TMEM51: variants seen among roughly 807,000 people sequenced by gnomAD.
TMEM51 encodes the protein transmembrane protein 51, also known as chromosome 1 open reading frame 72.
Under a neutral mutation model 13.6 loss-of-function variants are expected in TMEM51, and 8 were observed. That is an observed-to-expected ratio of 0.59 (90% CI 0.35 to 1.07). TMEM51 has a LOEUF of 1.07. Among genes scored for constraint, TMEM51 ranks in the 50% least tolerant of loss-of-function variants. TMEM51 has a pLI of 0.02. For missense variants in TMEM51, 279 were observed against 330.7 expected, an observed-to-expected ratio of 0.84 and a Z score of 1.21; for synonymous variants, 147 against 144.4, an observed-to-expected ratio of 1.02 and a Z score of -0.13.
intron 1 of TMEM51, among the ~76,000 whole-genome samples, chr1:15,191,284 G>A (rs72862004): frequency 0.029 from 4,441 of 152,300 alleles, 216 homozygotes; most frequent in African/African-American, 0.094. Context: ...GAACACAGCC[G>A]TTGGTCACCT....
At chr1:15,163,105 C>T (rs78920377) in intron 1 of TMEM51, among the ~76,000 whole-genome samples, 2,564 of 152,030 alleles carry the variant, frequency 0.017, 115 homozygotes, top group African/African-American at 0.058. Context: ...CATATCATTG[C>T]GTTCTCTCTA....
intron 1 of TMEM51, among the ~76,000 whole-genome samples, chr1:15,157,444 G>A (rs1225901539): frequency 1.3e-5 from 2 of 152,168 alleles, no homozygotes; most frequent in African/African-American, 2.4e-5. Context: ...CCAAGACCCA[G>A]GGAAGAGGAG....
At chr1:15,215,520 G>A (rs1644418017) in intron 3 of TMEM51, 89 bp downstream of exon 3, 7 of 1,227,394 alleles carry the variant, frequency 5.7e-6, no homozygotes, top group Non-Finnish European at 7.7e-6. Context: ...GTGGTGAAAA[G>A]ACTGTCATCT....
chr1:15,220,442 A>G lies in TMEM51; in HGVS notation c.*699A>G, dbSNP rs1030212693. ...AATGTTCTTTTTGAAATGCCATGCA[A>G]TGGAGCTTTTTGTAATAAAATATTT... On this transcript the variant is annotated 3_prime_UTR_variant, in exon 4 of 4. Coordinates refer to ENST00000376008, the MANE Select transcript of TMEM51 (RefSeq NM_001136218.2). 1 of 152,128 alleles carries G rather than the reference A, an allele frequency of 6.6e-6. No homozygotes were observed. 9.4% of individuals were successfully genotyped at this position (152,128 alleles called of 1,614,324 possible).
rs1642765935 is a variant in TMEM51 at position 15,161,070 on chromosome 1, G to GT, written c.-267+7117dup. 6.6e-6 allele frequency among the ~76,000 whole-genome samples: 1 copy of GT among 152,130 alleles called. No homozygotes were observed. The highest frequency in any genetic ancestry group is 1.5e-5 in the Non-Finnish European group (1 of 68,054). On this transcript the variant is annotated intron_variant, in intron 1 of 3. Coordinates refer to ENST00000376008, the MANE Select transcript of TMEM51 (RefSeq NM_001136218.2). The surrounding 1 kb of genome is among the most constrained non-coding windows in gnomAD (Gnocchi z 4.0). ...GCCGCCACCGCCAAAGGTCTTCCTG[G>GT]TGGAGGCAACTGCCTGTGCAAAGGC...
In TMEM51 at chr1:15,211,016, A is replaced by G. The variant is rs1244082292; in HGVS notation, c.-194+454A>G. Reference sequence around the variant, plus strand: ...CACACATAACCCTGCCATGAACCCAAAAAACCAAAACTATTTTATGAAAGC... The same window carrying G: ...CACACATAACCCTGCCATGAACCCAGAAAACCAAAACTATTTTATGAAAGC... On this transcript the variant is annotated intron_variant, in intron 2 of 3. Coordinates refer to ENST00000376008, the MANE Select transcript of TMEM51 (RefSeq NM_001136218.2). Among the ~76,000 whole-genome samples the G allele has an allele frequency of 6.6e-5, 10 of 152,210 alleles. No individual in the cohort carries two copies. In the East Asian group the frequency reaches 1.9e-3, roughly 29 times the overall value.
intron 1 of TMEM51, among the ~76,000 whole-genome samples, chr1:15,169,990 G>C (rs67428940): frequency 0.16 from 24,658 of 152,092 alleles, 2,213 homozygotes; most frequent in African/African-American, 0.22. Context: ...TTGTATTAAA[G>C]TAACAGCTTT....
chr1:15,184,663 G>C lies in TMEM51; in HGVS notation c.-266-25827G>C, dbSNP rs1328408178. Among the ~76,000 whole-genome samples, 3 of 152,148 alleles carry C rather than the reference G, an allele frequency of 2.0e-5. No individual in the cohort carries two copies. In the East Asian group the frequency reaches 5.8e-4, roughly 29 times the overall value. ...GTAGTGATGGCAGAAGCAGGAAGTA[G>C]GTGGATTTGAAACCTTTGGACAGGT... On this transcript the variant is annotated intron_variant, in intron 1 of 3. Coordinates refer to ENST00000376008, the MANE Select transcript of TMEM51 (RefSeq NM_001136218.2).
At chr1:15,197,954 C>CAA (rs34377131) in intron 1 of TMEM51, among the ~76,000 whole-genome samples, 9,287 of 96,094 alleles carry the variant, frequency 0.097, 475 homozygotes, top group Non-Finnish European at 0.12. Flanking sequence ...CTATACATGA[C>CAA]AAAAAAAAAA....
chr1:15,173,205 G>C (rs1305727957), intron 1 of TMEM51, among the ~76,000 whole-genome samples: 1 of 137,564 alleles, frequency 7.3e-6, no homozygotes. Flanking sequence ...GGTTTAACCT[G>C]ATCATATTCT....
At chr1:15,200,493 G>T (rs964913659) in intron 1 of TMEM51, among the ~76,000 whole-genome samples, 5 of 151,486 alleles carry the variant, frequency 3.3e-5, no homozygotes, top group African/African-American at 1.2e-4. Flanking sequence ...GAGGGAACAG[G>T]TGGCCATCTA....
At chr1:15,166,169 ATAACAC>A (rs1037974654) in intron 1 of TMEM51, among the ~76,000 whole-genome samples, 2 of 152,204 alleles carry the variant, frequency 1.3e-5, no homozygotes, top group African/African-American at 4.8e-5. Context: ...ACTGTTATTG[ATAACAC>A]CTTCTCCTCC....
chr1:15,187,476 C>T (rs571868925), intron 1 of TMEM51, among the ~76,000 whole-genome samples: 2 of 152,312 alleles, frequency 1.3e-5, no homozygotes, highest in African/African-American at 4.8e-5. Flanking sequence ...GCCTGTAGGT[C>T]CTAGTACCAT....
chr1:15,219,839 G>A lies in TMEM51; in HGVS notation c.*96G>A, dbSNP rs1182703877. 2 of 1,413,180 alleles carry A rather than the reference G, an allele frequency of 1.4e-6. No homozygotes were observed. The highest frequency in any genetic ancestry group is 1.9e-6 in the Non-Finnish European group (2 of 1,044,036). The allele number at this position is 1,413,180 out of a possible 1,614,324, so 87.5% of individuals were successfully genotyped here. On this transcript the variant is annotated 3_prime_UTR_variant, in exon 4 of 4. Transcript: ENST00000376008. ...ATGAGCCACAGTTGAGAAGCGGAGGGGCCAGCTGTGCATGGAGCCATTTGG... is the reference window on the plus strand; with the variant it reads ...ATGAGCCACAGTTGAGAAGCGGAGGAGCCAGCTGTGCATGGAGCCATTTGG...
At chr1:15,165,893 G>A (rs1180908273) in intron 1 of TMEM51, among the ~76,000 whole-genome samples, 1 of 150,330 alleles carries the variant, frequency 6.7e-6, no homozygotes, top group Non-Finnish European at 1.5e-5. Flanking sequence ...AGCCGAGATT[G>A]CGCCACTGCA....
chr1:15,193,135 A>G (rs1436078481), intron 1 of TMEM51, among the ~76,000 whole-genome samples: 1 of 152,176 alleles, frequency 6.6e-6, no homozygotes, highest in Non-Finnish European at 1.5e-5. Context: ...CCCTCTGGGG[A>G]GGAATCTGAG....
chr1:15,175,777 G>A (rs370567715), intron 1 of TMEM51, among the ~76,000 whole-genome samples: 1 of 152,220 alleles, frequency 6.6e-6, no homozygotes, highest in African/African-American at 2.4e-5. Context: ...CAGGAGAACA[G>A]TATGGGGGAA....
intron 1 of TMEM51, among the ~76,000 whole-genome samples, chr1:15,173,319 A>G (rs950442768): frequency 2.7e-5 from 4 of 149,088 alleles, no homozygotes; most frequent in Non-Finnish European, 4.4e-5. Context: ...TCCCAGGTTC[A>G]AGCGATTCTC....
chr1:15,185,031 C>T (rs1469583138), intron 1 of TMEM51, among the ~76,000 whole-genome samples: 1 of 152,128 alleles, frequency 6.6e-6, no homozygotes, highest in Non-Finnish European at 1.5e-5. Flanking sequence ...AATGTCCTGC[C>T]TGCCCCACCC....
Sources: allele counts gnomAD v4.1 joint callset (sites outside exome capture counted in the v4.1 genomes callset), GRCh38; gene constraint gnomAD v4.1.1; non-coding constraint Gnocchi (gnomAD v3.1); transcripts MANE v1.5; gene names NCBI Gene and HGNC (gene_info 2026-07-23, HGNC 2026-07-21).